The following SLFN12L variants were observed in gnomAD, a reference collection of about 807,000 sequenced individuals.
SLFN12L encodes schlafen family member 12 like, also known as schlafen family member 12-like.
A neutral mutation model predicts 34.8 loss-of-function variants in SLFN12L; 34 were observed. The observed-to-expected ratio is 0.98, with a 90% CI of 0.74 to 1.30. The LOEUF is 1.30. SLFN12L is among the 50% of genes most tolerant of loss of function. The pLI, the probability that SLFN12L is intolerant of heterozygous loss-of-function variation, is 0.00. For synonymous variants in SLFN12L, 259 were observed against 247.5 expected (o/e 1.05, Z -0.44); for missense variants, 703 against 696.2 (o/e 1.01, Z -0.11).
chr17:35,491,290 G>T, intron 2 of SLFN12L: 1 of 718,148 alleles, frequency 1.4e-6, no homozygotes, highest in South Asian at 2.1e-5. Flanking sequence ...TTAAATCATG[G>T]AACCAGAACA....
At chr17:35,515,693 G>A (rs930997413) in intron 2 of SLFN12L, among the ~76,000 whole-genome samples, 2 of 140,526 alleles carry the variant, frequency 1.4e-5, no homozygotes, top group African/African-American at 5.4e-5. Context: ...GCCCAGGCTG[G>A]AGTGAAGTGG....
intron 2 of SLFN12L, chr17:35,515,061 T>G (rs1280843090): frequency 3.3e-6 from 2 of 600,534 alleles, no homozygotes; most frequent in Non-Finnish European, 6.5e-6. Context: ...CTTCTGTTTC[T>G]TTCTTTATTC....
intron 2 of SLFN12L, among the ~76,000 whole-genome samples, chr17:35,520,562 T>C (rs987490859): frequency 6.6e-6 from 1 of 152,080 alleles, no homozygotes; most frequent in Non-Finnish European, 1.5e-5. Flanking sequence ...CTGGCCAACA[T>C]GGCAAAACCC....
chr17:35,523,448 A>G (rs925390838), intron 1 of SLFN12L, among the ~76,000 whole-genome samples: 2 of 152,138 alleles, frequency 1.3e-5, no homozygotes, highest in Admixed American at 1.3e-4. Flanking sequence ...AAGTTACGTA[A>G]AAGCTTTTAT....
Position 35,479,803 on chromosome 17 carries a change from T to C in SLFN12L, c.479A>G (p.Gln160Arg). 4 of 1,611,666 alleles carry C rather than the reference T, an allele frequency of 2.5e-6. No individual in the cohort carries two copies. The highest frequency in any genetic ancestry group is 3.4e-6 in the Non-Finnish European group (4 of 1,178,742). ...KSWSLETSGPQIATLSSSLYK... is the reference protein window; with the variant it reads ...KSWSLETSGPRIATLSSSLYK... ...CAAACTGGAGCTCAACGTGGCAATCTGCGGACCAGAGGTTTCCAAGCTCCA... is the reference window on the plus strand; with the variant it reads ...CAAACTGGAGCTCAACGTGGCAATCCGCGGACCAGAGGTTTCCAAGCTCCA... Residue 160 changes from glutamine (Q) to arginine (R), a missense_variant, in exon 3 of 5, where the codon CAG becomes CGG. Coordinates refer to ENST00000628453, the MANE Select transcript of SLFN12L (RefSeq NM_001363830.2).
chr17:35,511,584 T>TAC (rs58683369), intron 2 of SLFN12L, among the ~76,000 whole-genome samples: 44,098 of 148,150 alleles, frequency 0.3, 6,446 homozygotes, highest in South Asian at 0.38. Flanking sequence ...CACACACACA[T>TAC]ACACACACAC....
rs1339298527 is a variant in SLFN12L, at chr17:35,479,524, G to T, written c.758C>A (p.Thr253Asn). 6.2e-7 allele frequency: 1 copy of T among 1,614,164 alleles called. No individual in the cohort carries two copies. The highest frequency in any genetic ancestry group is 1.7e-5 in the Admixed American group (1 of 60,010). The change falls in exon 3 of 5, where the codon ACT becomes AAT. Residue 253 changes from threonine to asparagine, a missense_variant. Coordinates refer to ENST00000628453, the MANE Select transcript of SLFN12L (RefSeq NM_001363830.2). ...STHVEIKNFS[T>N]EKLLQRITEI... The stretch of plus-strand genomic sequence containing the variant: ...TGTAATTCGTTGTAACAACTTTTCA[G>T]TCGAGAAGTTTTTTATTTCAACGTG...
rs1326466485 is a variant in SLFN12L at position 35,499,932 on chromosome 17, A to T, written c.87-19737T>A. 7 of 156,124 alleles carry T rather than the reference A, an allele frequency of 4.5e-5. No individual in the cohort carries two copies. In the East Asian group the frequency reaches 1.3e-3, roughly 30 times the overall value. The allele number at this position is 156,124 out of a possible 1,614,324, so 9.7% of individuals were successfully genotyped here. On this transcript the variant is annotated intron_variant, in intron 2 of 4. Coordinates refer to ENST00000628453, the MANE Select transcript of SLFN12L (RefSeq NM_001363830.2). ...ATAGAAATTAAACTTCACAGAGTTA[A>T]CTTTCCTTCAGAGTGTTCCTGCGAA...
rs397940524 is a variant in SLFN12L, at chr17:35,475,924, T to TATA, written c.1277-440_1277-439insTAT. Among the ~76,000 whole-genome samples, 412 of 129,910 alleles carry TATA rather than the reference T, an allele frequency of 3.2e-3. 5 individuals carry two copies. The highest frequency in any genetic ancestry group is 0.012 in the African/African-American group (395 of 33,528). The allele number at this position is 129,910 out of a possible 152,430, so 85.2% of individuals were successfully genotyped here. A position where few individuals can be genotyped will look rare whatever the true frequency, so the allele number is the denominator to read the frequency against. On this transcript the variant is annotated intron_variant, in intron 4 of 4. Coordinates refer to ENST00000628453, the MANE Select transcript of SLFN12L (RefSeq NM_001363830.2). ...CAAAAAAATTCTACATATATATATA[T>TATA]TTTTTTAAATTTATATATATGTATA...
At chr17:35,519,319 C>G (rs757219268) in intron 2 of SLFN12L, among the ~76,000 whole-genome samples, 2 of 152,112 alleles carry the variant, frequency 1.3e-5, no homozygotes, top group Non-Finnish European at 2.9e-5. Flanking sequence ...AACAAACCTG[C>G]ACGTTCTGCA....
At position 35,533,838 on chromosome 17, in the gene SLFN12L, T is replaced by A. The variant is rs192625077; in HGVS notation, c.-606+3735A>T. ...GCTCACGCCTGTAATCCCAGCACTT[T>A]GGGAGGCCGAGGCGGGCAGATCACC... is the stretch of plus-strand genomic sequence containing the variant. On this transcript the variant is annotated intron_variant, in intron 1 of 4. Transcript: ENST00000628453. Among the ~76,000 whole-genome samples, 666 of 152,248 alleles carry A rather than the reference T, an allele frequency of 4.4e-3. 8 individuals carry two copies. Among genetic ancestry groups the A allele is most frequent in the African/African-American group, 0.015 (643 of 41,542 alleles).
Position 35,475,318 on chromosome 17 carries a change from T to A in SLFN12L, c.1444A>T (p.Lys482Ter). 6.2e-7 allele frequency: 1 copy of A among 1,614,204 alleles called. No homozygotes were observed. Among genetic ancestry groups the A allele is most frequent in the African/African-American group, 1.3e-5 (1 of 75,040 alleles). Residue 482 changes from lysine (K) to a stop codon, truncating the protein, a stop_gained, in exon 5 of 5, where the codon AAA becomes TAA. Coordinates refer to ENST00000628453, the MANE Select transcript of SLFN12L (RefSeq NM_001363830.2). LOFTEE classifies it low-confidence loss of function (END_TRUNC). ...ATCAGAAGAGCATCACAGAGGACTTTGTGGTTCTCTTGCAAGCCCAGATCC... is the reference window on the plus strand; with the variant it reads ...ATCAGAAGAGCATCACAGAGGACTTAGTGGTTCTCTTGCAAGCCCAGATCC... ...SLDLGLQENH[K>*]VLCDALLISQ...
At chr17:35,482,190 C>T (rs1914369440) in intron 2 of SLFN12L, among the ~76,000 whole-genome samples, 1 of 152,228 alleles carries the variant, frequency 6.6e-6, no homozygotes, top group South Asian at 2.1e-4. Flanking sequence ...ATATACAAAA[C>T]ACCTGTGCTC....
In SLFN12L at chr17:35,479,099, C is replaced by T. The variant is rs776309076; in HGVS notation, c.1165+18G>A. ...CCCAAGCCAAAGGTATCCTTATTGC[C>T]AATCCTCCTTCCTCAACCTGGTTCT... On this transcript the variant is annotated intron_variant, in intron 3 of 4. Coordinates refer to ENST00000628453, the MANE Select transcript of SLFN12L (RefSeq NM_001363830.2). The T allele has an allele frequency of 2.0e-6, 3 of 1,523,972 alleles. No homozygotes were observed. The highest frequency in any genetic ancestry group is 2.5e-5 in the South Asian group (2 of 79,462). 94.4% of individuals were successfully genotyped at this position (1,523,972 alleles called of 1,614,324 possible). A position where few individuals can be genotyped will look rare whatever the true frequency, so the allele number is the denominator to read the frequency against.
At chr17:35,477,597 C>T (rs1335484225) in intron 4 of SLFN12L, among the ~76,000 whole-genome samples, 1 of 151,926 alleles carries the variant, frequency 6.6e-6, no homozygotes, top group Non-Finnish European at 1.5e-5. Context: ...AAGATAAAGC[C>T]TATTACAAAA....
intron 2 of SLFN12L, among the ~76,000 whole-genome samples, chr17:35,483,878 C>T (rs1218813470): frequency 2.0e-5 from 3 of 152,134 alleles, no homozygotes; most frequent in Non-Finnish European, 4.4e-5. Context: ...TTGTAGATAC[C>T]ACCTTTGTCT....
chr17:35,474,822 C>G lies in SLFN12L; in HGVS notation c.*101G>C. ...TGGCAGGCACATGTAATCCCAGCTA[C>G]TCGGGAGGCTGAGGCAGGGAATTGC... On this transcript the variant is annotated 3_prime_UTR_variant, in exon 5 of 5. Coordinates refer to ENST00000628453, the MANE Select transcript of SLFN12L (RefSeq NM_001363830.2). 6 of 1,207,138 alleles carry G rather than the reference C, an allele frequency of 5.0e-6. No individual in the cohort carries two copies. The highest frequency in any genetic ancestry group is 6.7e-6 in the Non-Finnish European group (6 of 895,042). The allele number at this position is 1,207,138 out of a possible 1,614,324, so 74.8% of individuals were successfully genotyped here. A position where few individuals can be genotyped will look rare whatever the true frequency, so the allele number is the denominator to read the frequency against.
intron 1 of SLFN12L, among the ~76,000 whole-genome samples, chr17:35,531,160 AT>A (rs2072407513): frequency 6.6e-6 from 1 of 152,244 alleles, no homozygotes; most frequent in Non-Finnish European, 1.5e-5. Context: ...AAAACAATTT[AT>A]TTGATTAATT....
At chr17:35,523,302 A>G (rs1308215339) in intron 1 of SLFN12L, among the ~76,000 whole-genome samples, 1 of 152,204 alleles carries the variant, frequency 6.6e-6, no homozygotes, top group Non-Finnish European at 1.5e-5. Flanking sequence ...TGCTTGAAAA[A>G]GATGAGTCCT....
Sources: allele counts gnomAD v4.1 joint callset (sites outside exome capture counted in the v4.1 genomes callset), GRCh38; gene constraint gnomAD v4.1.1; transcripts MANE v1.5; gene names NCBI Gene and HGNC (gene_info 2026-07-23, HGNC 2026-07-21).